DPYD: variants seen among roughly 807,000 people sequenced by gnomAD.
DPYD encodes dihydropyrimidine dehydrogenase.
DPYD carries 109 observed loss-of-function variants against 116.2 expected under a neutral mutation model. The observed-to-expected ratio is 0.94, with a 90% CI of 0.80 to 1.10. The LOEUF (loss-of-function observed/expected upper bound fraction) is 1.10, where lower values mean the gene tolerates loss of function less well. Among genes scored for constraint, DPYD ranks in the 50% least tolerant of loss-of-function variants. The pLI is 0.00. For missense variants in DPYD, 1,302 were observed against 1,254.5 expected, an observed-to-expected ratio of 1.04 and a Z score of -0.57; for synonymous variants, 440 against 432.0, an observed-to-expected ratio of 1.02 and a Z score of -0.23.
intron 16 of DPYD, among the ~76,000 whole-genome samples, chr1:97,357,121 T>C (rs1400862183): frequency 2.0e-5 from 3 of 149,884 alleles, no homozygotes; most frequent in African/African-American, 7.4e-5. Flanking sequence ...AATATGAACA[T>C]TTTAACAAAC....
intron 19 of DPYD, among the ~76,000 whole-genome samples, chr1:97,229,228 A>G (rs949599315): frequency 8.1e-5 from 12 of 148,678 alleles, no homozygotes; most frequent in African/African-American, 2.8e-4. Flanking sequence ...AAGAAAAAAA[A>G]AAAAGAATTT....
intron 11 of DPYD, among the ~76,000 whole-genome samples, chr1:97,555,105 G>C (rs1163793277): frequency 2.0e-5 from 3 of 152,086 alleles, no homozygotes; most frequent in Non-Finnish European, 4.4e-5. Context: ...TGTGACCTTA[G>C]TCTTCAGCTC....
chr1:97,565,072 A>G (rs1652420759), intron 11 of DPYD, among the ~76,000 whole-genome samples: 1 of 152,132 alleles, frequency 6.6e-6, no homozygotes, highest in Non-Finnish European at 1.5e-5. Context: ...AGAGCTGCCC[A>G]TCTGAGCATA....
chr1:97,279,163 A>G (rs551331123), intron 18 of DPYD, among the ~76,000 whole-genome samples: 1 of 152,246 alleles, frequency 6.6e-6, no homozygotes, highest in East Asian at 1.9e-4. Context: ...TGATATTACA[A>G]TTTCCAAGGG....
intron 20 of DPYD, among the ~76,000 whole-genome samples, chr1:97,127,603 T>TC (rs1382737522): frequency 3.9e-5 from 6 of 152,044 alleles, no homozygotes; most frequent in Non-Finnish European, 4.4e-5. Context: ...CAACTCATTT[T>TC]CCCCCATCCT....
chr1:97,419,625 T>C (rs1466665180), intron 14 of DPYD, among the ~76,000 whole-genome samples: 2 of 152,172 alleles, frequency 1.3e-5, no homozygotes. Flanking sequence ...CTTTTCCACA[T>C]ATGTGAACAC....
At chr1:97,391,745 G>A (rs1672716444) in intron 14 of DPYD, among the ~76,000 whole-genome samples, 2 of 151,946 alleles carry the variant, frequency 1.3e-5, no homozygotes, top group Admixed American at 1.3e-4. Flanking sequence ...ATTCTAAAGA[G>A]ACAAACCTCC....
At chr1:97,439,239 A>G (rs554090456) in intron 14 of DPYD, among the ~76,000 whole-genome samples, 1 of 152,106 alleles carries the variant, frequency 6.6e-6, no homozygotes, top group East Asian at 1.9e-4. Flanking sequence ...AGTTCCTTGT[A>G]CTCTTTCTCT....
At chr1:97,498,484 CTT>C (rs1399969408) in intron 13 of DPYD, among the ~76,000 whole-genome samples, 3 of 121,932 alleles carry the variant, frequency 2.5e-5, no homozygotes, top group East Asian at 3.0e-4. Context: ...CTCTCTCTCT[CTT>C]TCTCTGTGTG....
At chr1:97,152,217 A>T (rs1287075421) in intron 20 of DPYD, among the ~76,000 whole-genome samples, 2 of 152,198 alleles carry the variant, frequency 1.3e-5, no homozygotes, top group Non-Finnish European at 2.9e-5. Context: ...CTAGGCAATT[A>T]TAGCCAAAGT....
intron 19 of DPYD, among the ~76,000 whole-genome samples, chr1:97,223,900 ATAAT>A (rs2101897373): frequency 6.6e-6 from 1 of 152,196 alleles, no homozygotes; most frequent in South Asian, 2.1e-4. Flanking sequence ...TCATGAAGAA[ATAAT>A]TGGCAGTCAG....
chr1:97,460,816 A>G (rs1676975019), intron 13 of DPYD, among the ~76,000 whole-genome samples: 1 of 152,140 alleles, frequency 6.6e-6, no homozygotes, highest in South Asian at 2.1e-4. Context: ...AGGTGGGCGG[A>G]TCACCCGAGG....
At chr1:97,902,356 C>T (rs910074047) in intron 1 of DPYD, among the ~76,000 whole-genome samples, 8 of 151,784 alleles carry the variant, frequency 5.3e-5, no homozygotes, top group African/African-American at 2.4e-5. Flanking sequence ...TACGAGCCTA[C>T]TTCTGATAAG....
At chr1:97,458,784 C>A (rs1243228526) in intron 13 of DPYD, among the ~76,000 whole-genome samples, 1 of 152,040 alleles carries the variant, frequency 6.6e-6, no homozygotes, top group African/African-American at 2.4e-5. Context: ...ATTTAAACTG[C>A]GAGGTTAAAA....
At chr1:97,901,567 C>T (rs1461034586) in intron 1 of DPYD, among the ~76,000 whole-genome samples, 1 of 151,684 alleles carries the variant, frequency 6.6e-6, no homozygotes, top group Non-Finnish European at 1.5e-5. Flanking sequence ...GTAAATACAC[C>T]TCCCATATTA....
At chr1:97,742,504 TG>T (rs1664325042) in intron 3 of DPYD, among the ~76,000 whole-genome samples, 1 of 152,146 alleles carries the variant, frequency 6.6e-6, no homozygotes, top group African/African-American at 2.4e-5. Flanking sequence ...TAAATGCCAT[TG>T]TTAGATTCAC....
chr1:97,269,805 A>G (rs1184659749), intron 18 of DPYD, among the ~76,000 whole-genome samples: 1 of 152,176 alleles, frequency 6.6e-6, no homozygotes, highest in Non-Finnish European at 1.5e-5. Context: ...CACAGGCTTT[A>G]TCTCCAAATA....
chr1:97,761,004 T>C (rs1409112945), intron 3 of DPYD, among the ~76,000 whole-genome samples: 1 of 152,090 alleles, frequency 6.6e-6, no homozygotes, highest in South Asian at 2.1e-4. Flanking sequence ...CCAACACAGA[T>C]GTAGCTTGAA....
chr1:97,722,491 G>T (rs1309910203), intron 4 of DPYD, among the ~76,000 whole-genome samples: 1 of 151,512 alleles, frequency 6.6e-6, no homozygotes, highest in Non-Finnish European at 1.5e-5. Flanking sequence ...AATTATGAGT[G>T]CATATGGAAA....
Sources: allele counts gnomAD v4.1 joint callset (sites outside exome capture counted in the v4.1 genomes callset), GRCh38; gene constraint gnomAD v4.1.1; transcripts MANE v1.5; gene names NCBI Gene and HGNC (gene_info 2026-07-23, HGNC 2026-07-21).